CAMK2D: variants seen among roughly 807,000 people sequenced by gnomAD.
CAMK2D encodes calcium/calmodulin dependent protein kinase II delta.
CAMK2D carries 37 observed loss-of-function variants against 84.0 expected under a neutral mutation model. The ratio of observed to expected loss-of-function variants is 0.44; its 90% CI spans 0.34 to 0.58. The LOEUF (loss-of-function observed/expected upper bound fraction) is 0.58. CAMK2D is among the 20% of genes least tolerant of loss of function. The probability of loss-of-function intolerance (pLI) is 0.02; values close to 1 mark genes in which losing one functional copy is unlikely to be tolerated. For missense variants in CAMK2D, 448 were observed against 652.5 expected (o/e 0.69, Z 3.41); for synonymous variants, 202 against 212.5 (o/e 0.95, Z 0.43).
At chr4:113,520,413 CAAAAAT>C (rs1234771223) in intron 8 of CAMK2D, among the ~76,000 whole-genome samples, 1 of 151,490 alleles carries the variant, frequency 6.6e-6, no homozygotes. Context: ...GACTCTGCCT[CAAAAAT>C]AAAAATAAAA....
At chr4:113,739,503 T>C (rs1172572673) in intron 2 of CAMK2D, among the ~76,000 whole-genome samples, 1 of 152,008 alleles carries the variant, frequency 6.6e-6, no homozygotes, top group African/African-American at 2.4e-5. Context: ...TTCCACTCAA[T>C]TAAAAGAAAA....
chr4:113,567,585 T>A (rs1374889540), intron 4 of CAMK2D, among the ~76,000 whole-genome samples: 2 of 152,200 alleles, frequency 1.3e-5, no homozygotes, highest in Admixed American at 6.5e-5. Flanking sequence ...TATAAAATAG[T>A]CTGATTTTTC....
chr4:113,761,517 T>C lies in CAMK2D; in HGVS notation c.-449A>G. 1 of 1,018,524 alleles carries C rather than the reference T, an allele frequency of 9.8e-7. No homozygotes were observed. Among genetic ancestry groups the C allele is most frequent in the Non-Finnish European group, 1.2e-6 (1 of 850,050 alleles). The allele number at this position is 1,018,524 out of a possible 1,614,324, so 63.1% of individuals were successfully genotyped here. ...GGAGTCCGAGGGGGCGGAGGTGGAG[T>C]GCAGCGGGGCCGAGGCCGCGGAGCC... is the stretch of plus-strand genomic sequence containing the variant. On this transcript the variant is annotated 5_prime_UTR_variant, in exon 1 of 21. Transcript: ENST00000511664.
At chr4:113,560,683 G>A in intron 4 of CAMK2D, among the ~76,000 whole-genome samples, 1 of 152,114 alleles carries the variant, frequency 6.6e-6, no homozygotes, top group East Asian at 1.9e-4. Context: ...TGAATACACA[G>A]TAACATCCAC....
At chr4:113,599,753 GTT>G (rs1029516839) in intron 4 of CAMK2D, among the ~76,000 whole-genome samples, 1 of 152,184 alleles carries the variant, frequency 6.6e-6, no homozygotes, top group African/African-American at 2.4e-5. Context: ...AATAAAGTAA[GTT>G]AGAGAGAAGA....
chr4:113,609,202 T>A lies in CAMK2D; in HGVS notation c.225A>T (p.Arg75=). 1 of 1,574,316 alleles carries A rather than the reference T, an allele frequency of 6.4e-7. No homozygotes were observed. Among genetic ancestry groups the A allele is most frequent in the Non-Finnish European group, 8.7e-7 (1 of 1,144,098 alleles). ...CRLLKHPNIV[R]LHDSISEEGF... is the part of the protein sequence containing the mutation. ...CCTCTTCTGATATGCTATCATGAAG[T>A]CGCACTAGAAAAAAATAAGAGAAGA... Residue 75 remains arginine (R), a synonymous_variant, in exon 4 of 21, where the codon CGA becomes CGT. Transcript: ENST00000511664.
At chr4:113,743,658 CACA>C (rs2099598028) in intron 2 of CAMK2D, among the ~76,000 whole-genome samples, 1 of 152,156 alleles carries the variant, frequency 6.6e-6, no homozygotes, top group Non-Finnish European at 1.5e-5. Context: ...CACTCATGCC[CACA>C]ACCTCCTCAT....
intron 16 of CAMK2D, 87 bp from the exon 17 acceptor site, chr4:113,465,691 G>C: frequency 1.3e-6 from 1 of 794,198 alleles, no homozygotes. Context: ...TTGAGATAGG[G>C]TCTCACTCTG....
chr4:113,537,495 G>C, intron 6 of CAMK2D, 52 bp from the exon 7 acceptor site: 1 of 1,109,428 alleles, frequency 9.0e-7, no homozygotes, highest in Non-Finnish European at 1.4e-6. Flanking sequence ...TATTTTAAGC[G>C]ACTATTCAAA....
intron 2 of CAMK2D, among the ~76,000 whole-genome samples, chr4:113,673,877 T>C (rs937347282): frequency 6.6e-6 from 1 of 152,212 alleles, no homozygotes; most frequent in African/African-American, 2.4e-5. Flanking sequence ...ACAGCAAAGC[T>C]CTGAGATCTA....
In CAMK2D at chr4:113,729,794, A is replaced by C. The variant is rs987171170; in HGVS notation, c.160+29526T>G. On this transcript the variant is annotated intron_variant, in intron 2 of 20. Transcript: ENST00000511664. ...ATGAGTGGAATTAGTGTCCTTATAA[A>C]AGAAGCCCCAGAGAACTCCCTTGCC... is the stretch of plus-strand genomic sequence containing the variant. 2.6e-5 allele frequency among the ~76,000 whole-genome samples: 4 copies of C among 152,162 alleles called. No homozygotes were observed. The South Asian group carries it at 8.3e-4, about 32-fold the overall frequency.
chr4:113,732,588 A>G (rs1309778216), intron 2 of CAMK2D, among the ~76,000 whole-genome samples: 1 of 152,198 alleles, frequency 6.6e-6, no homozygotes, highest in African/African-American at 2.4e-5. Context: ...GATAATTCAC[A>G]TATTTTTACA....
At chr4:113,493,039 TGCACGTGAGATGGGTTTCCTGAATACA>T (rs2097865308) in intron 16 of CAMK2D, among the ~76,000 whole-genome samples, 1 of 124,892 alleles carries the variant, frequency 8.0e-6, no homozygotes, top group Admixed American at 8.3e-5. Flanking sequence ...TGTGTGTCTC[TGCACGTGAGATGGGTTTCCTGAATACA>T]GCACACTGAT....
rs574831382 is a variant in CAMK2D, at chr4:113,613,432, C to A, written c.221-4226G>T. Among the ~76,000 whole-genome samples the A allele has an allele frequency of 5.3e-5, 8 of 151,054 alleles. No individual in the cohort carries two copies. In the East Asian group the frequency reaches 1.2e-3, roughly 22 times the overall value. The stretch of plus-strand genomic sequence containing the variant: ...TGGTTTGTCAGGGTAAAATAATATT[C>A]AAAAAAAATTCAAAAGAGAAGAAAT... On this transcript the variant is annotated intron_variant, in intron 3 of 20. Coordinates refer to ENST00000511664, the MANE Select transcript of CAMK2D (RefSeq NM_001321571.2).
chr4:113,625,371 T>G (rs932774672), intron 3 of CAMK2D, among the ~76,000 whole-genome samples: 1 of 152,106 alleles, frequency 6.6e-6, no homozygotes, highest in African/African-American at 2.4e-5. Context: ...CATAGGAAAT[T>G]GATAAGTGTT....
chr4:113,487,871 C>G (rs1310617718), intron 16 of CAMK2D, among the ~76,000 whole-genome samples: 1 of 151,802 alleles, frequency 6.6e-6, no homozygotes, highest in Non-Finnish European at 1.5e-5. Flanking sequence ...ATAAAGAGAT[C>G]TTACAATAAT....
At chr4:113,565,462 C>T (rs2098718372) in intron 4 of CAMK2D, among the ~76,000 whole-genome samples, 3 of 151,940 alleles carry the variant, frequency 2.0e-5, no homozygotes, top group African/African-American at 7.3e-5. Flanking sequence ...AACAGCCTGG[C>T]CCACATGGTG....
chr4:113,556,892 T>A (rs1057487819), intron 4 of CAMK2D, among the ~76,000 whole-genome samples: 1 of 152,148 alleles, frequency 6.6e-6, no homozygotes, highest in African/African-American at 2.4e-5. Context: ...AATGCCTGGC[T>A]CACAGGAAGA....
At chr4:113,614,913 T>G (rs953526232) in intron 3 of CAMK2D, among the ~76,000 whole-genome samples, 2 of 152,140 alleles carry the variant, frequency 1.3e-5, no homozygotes, top group Non-Finnish European at 2.9e-5. Context: ...AAACTGAGCA[T>G]GGTAGGGCAA....
Sources: gnomAD v4.1 joint callset for allele counts (sites outside exome capture counted in the v4.1 genomes callset) on GRCh38, gnomAD v4.1.1 for gene constraint, MANE v1.5 for transcripts, NCBI Gene and HGNC (gene_info 2026-07-23, HGNC 2026-07-21) for gene names.